MAGI3: variants seen among roughly 807,000 people sequenced by gnomAD.
MAGI3 encodes membrane associated guanylate kinase, WW and PDZ domain containing 3.
Under a neutral mutation model 121.8 loss-of-function variants are expected in MAGI3, and 43 were observed. That is an observed-to-expected ratio of 0.35 (90% CI 0.28 to 0.46). The LOEUF (loss-of-function observed/expected upper bound fraction) is 0.46. MAGI3 is among the 20% of genes least tolerant of loss of function. The pLI, the probability that MAGI3 is intolerant of heterozygous loss-of-function variation, is 1.00. For synonymous variants in MAGI3, 553 were observed against 639.3 expected (o/e 0.86, Z 2.04); for missense variants, 1,547 against 1,797.3 (o/e 0.86, Z 2.52).
At chr1:113,538,458 G>A (rs1046263407) in intron 1 of MAGI3, among the ~76,000 whole-genome samples, 6 of 152,166 alleles carry the variant, frequency 3.9e-5, no homozygotes, top group Admixed American at 1.3e-4. Context: ...CTGGCATTAC[G>A]ACAGGTTTGC....
intron 16 of MAGI3, among the ~76,000 whole-genome samples, chr1:113,666,991 G>A (rs1298399572): frequency 6.6e-6 from 1 of 152,130 alleles, no homozygotes; most frequent in African/African-American, 2.4e-5. Context: ...CTCAACAGTG[G>A]GATTAAATTA....
At chr1:113,642,979 C>T (rs985637876) in intron 10 of MAGI3, among the ~76,000 whole-genome samples, 10 of 152,208 alleles carry the variant, frequency 6.6e-5, no homozygotes, top group African/African-American at 2.4e-4. Flanking sequence ...TTAATCTGTT[C>T]TGCAGAGGCA....
At chr1:113,460,928 T>C (rs1199618560) in intron 1 of MAGI3, among the ~76,000 whole-genome samples, 2 of 152,048 alleles carry the variant, frequency 1.3e-5, no homozygotes, top group African/African-American at 4.8e-5. Context: ...AGCATTCCTA[T>C]ACACCAACAA....
At chr1:113,561,993 C>A (rs909313382) in intron 2 of MAGI3, among the ~76,000 whole-genome samples, 2 of 152,100 alleles carry the variant, frequency 1.3e-5, no homozygotes, top group Non-Finnish European at 2.9e-5. Flanking sequence ...GAGCCAAAAT[C>A]CAGAATGAAC....
chr1:113,475,151 G>A (rs1655749009), intron 1 of MAGI3, among the ~76,000 whole-genome samples: 1 of 152,178 alleles, frequency 6.6e-6, no homozygotes, highest in Non-Finnish European at 1.5e-5. Context: ...AGACAGTGGG[G>A]TTTTCTAAAT....
In MAGI3 at chr1:113,623,048, T is replaced by C. The variant is rs563355911; in HGVS notation, c.1360+54T>C. 2.3e-5 allele frequency: 27 copies of C among 1,177,308 alleles called. No homozygotes were observed. The South Asian group carries it at 5.3e-4, about 23-fold the overall frequency. 72.9% of individuals were successfully genotyped at this position (1,177,308 alleles called of 1,614,324 possible). A position where few individuals can be genotyped will look rare whatever the true frequency, so the allele number is the denominator to read the frequency against. Reference sequence around the variant, plus strand: ...AGTAGTGATACTATAACAAAAATTATAGTGAAGAGATTTTATATACATAAA... The same window carrying C: ...AGTAGTGATACTATAACAAAAATTACAGTGAAGAGATTTTATATACATAAA... On this transcript the variant is annotated intron_variant, in intron 9 of 20. Coordinates refer to ENST00000307546, the MANE Select transcript of MAGI3 (RefSeq NM_001142782.2).
rs558895857 is a variant in MAGI3 at position 113,562,680 on chromosome 1, T to C, written c.433+13049T>C. Among the ~76,000 whole-genome samples, 73 of 152,244 alleles carry C rather than the reference T, an allele frequency of 4.8e-4. 2 individuals are homozygous for C. Among genetic ancestry groups the C allele is most frequent in the South Asian group, 2.5e-3 (12 of 4,826 alleles). On this transcript the variant is annotated intron_variant, in intron 2 of 20. Transcript: ENST00000307546. Reference sequence around the variant, plus strand: ...GTGGGGAACAACACACACTGGGGCCTGTTGGAGGGTTGCGGGTGGGAGGAA... The same window carrying C: ...GTGGGGAACAACACACACTGGGGCCCGTTGGAGGGTTGCGGGTGGGAGGAA...
intron 1 of MAGI3, among the ~76,000 whole-genome samples, chr1:113,492,842 A>T (rs1196543146): frequency 1.3e-5 from 2 of 152,148 alleles, no homozygotes; most frequent in Non-Finnish European, 2.9e-5. Flanking sequence ...AACCAGGGAG[A>T]TGAAAGATCT....
intron 6 of MAGI3, among the ~76,000 whole-genome samples, chr1:113,610,987 A>G (rs1650096929): frequency 6.6e-6 from 1 of 152,186 alleles, no homozygotes; most frequent in Admixed American, 6.5e-5. Flanking sequence ...TTGGTGGTAG[A>G]CACATTACTA....
chr1:113,481,676 G>A (rs1656122099), intron 1 of MAGI3, among the ~76,000 whole-genome samples: 2 of 152,024 alleles, frequency 1.3e-5, no homozygotes, highest in African/African-American at 4.8e-5. Context: ...TCAGATCAAA[G>A]CCAGTGTTTA....
chr1:113,464,288 T>C (rs1388592871), intron 1 of MAGI3, among the ~76,000 whole-genome samples: 1 of 152,138 alleles, frequency 6.6e-6, no homozygotes, highest in African/African-American at 2.4e-5. Flanking sequence ...CTTGACATAA[T>C]TACCTCCCGT....
intron 19 of MAGI3, among the ~76,000 whole-genome samples, chr1:113,677,752 T>C (rs1647967433): frequency 6.6e-6 from 1 of 152,210 alleles, no homozygotes; most frequent in African/African-American, 2.4e-5. Flanking sequence ...CTTTCTCTTT[T>C]CTTTCCTCTC....
chr1:113,419,942 G>A (rs867719077), intron 1 of MAGI3, among the ~76,000 whole-genome samples: 3 of 152,166 alleles, frequency 2.0e-5, no homozygotes, highest in East Asian at 1.9e-4. Flanking sequence ...CTCTCCTTCC[G>A]TTGTCACATC....
intron 14 of MAGI3, 115 bp downstream of exon 14, chr1:113,651,321 ATTTGGT>A (rs1275404175): frequency 3.2e-6 from 3 of 941,334 alleles, no homozygotes; most frequent in East Asian, 5.6e-5. Context: ...AAGATAACCC[ATTTGGT>A]GTGATCCAGG....
At chr1:113,437,865 T>TTCTC (rs1653682942) in intron 1 of MAGI3, among the ~76,000 whole-genome samples, 36 of 8,688 alleles carry the variant, frequency 4.1e-3, no homozygotes, top group East Asian at 0.023. Context: ...TTCTTCTTCC[T>TTCTC]CTTCTTCTTC....
intron 9 of MAGI3, among the ~76,000 whole-genome samples, chr1:113,633,731 A>G (rs1651816130): frequency 6.6e-6 from 1 of 152,200 alleles, no homozygotes; most frequent in Non-Finnish European, 1.5e-5. Flanking sequence ...CATGATCTAT[A>G]GTCCTTTGGG....
chr1:113,392,259 G>A lies in MAGI3; in HGVS notation c.316+910G>A, dbSNP rs566332146. Among the ~76,000 whole-genome samples the A allele has an allele frequency of 1.0e-3, 159 of 152,310 alleles. 1 individual carries two copies. Among genetic ancestry groups the A allele is most frequent in the Non-Finnish European group, 1.9e-3 (131 of 68,030 alleles). ...TTCAGCATAGATAGAATGTGGTTCTGTCGTCTTAGATGTTTGTGGGAGAGA... is the reference window on the plus strand; with the variant it reads ...TTCAGCATAGATAGAATGTGGTTCTATCGTCTTAGATGTTTGTGGGAGAGA... On this transcript the variant is annotated intron_variant, in intron 1 of 20. Coordinates refer to ENST00000307546, the MANE Select transcript of MAGI3 (RefSeq NM_001142782.2).
At chr1:113,566,671 A>T (rs1402948887) in intron 2 of MAGI3, among the ~76,000 whole-genome samples, 1 of 152,152 alleles carries the variant, frequency 6.6e-6, no homozygotes, top group African/African-American at 2.4e-5. Flanking sequence ...TTGCAAATAC[A>T]TGGAAAGTAA....
chr1:113,549,453 T>G (rs2101668346), intron 1 of MAGI3, 62 bp from the exon 2 acceptor site: 1 of 880,836 alleles, frequency 1.1e-6, no homozygotes, highest in Non-Finnish European at 1.8e-6. Flanking sequence ...GCTTCTATAT[T>G]TAAGTGAACG....
Sources: allele counts gnomAD v4.1 joint callset (sites outside exome capture counted in the v4.1 genomes callset), GRCh38; gene constraint gnomAD v4.1.1; transcripts MANE v1.5; gene names NCBI Gene and HGNC (gene_info 2026-07-23, HGNC 2026-07-21).